TRPC4: variants seen among roughly 807,000 people sequenced by gnomAD.
TRPC4 encodes transient receptor potential cation channel subfamily C member 4.
TRPC4 carries 49 observed loss-of-function variants against 99.4 expected under a neutral mutation model. The observed-to-expected ratio is 0.49, with a 90% confidence interval of 0.39 to 0.63. The LOEUF is 0.63. Among genes scored for constraint, TRPC4 ranks in the 20% least tolerant of loss-of-function variants. The pLI is 0.00. For synonymous variants in TRPC4, 454 were observed against 425.9 expected, an observed-to-expected ratio of 1.07 and a Z score of -0.81; for missense variants, 898 against 1,152.9, an observed-to-expected ratio of 0.78 and a Z score of 3.20.
At chr13:37,835,113 G>T (rs573779273) in intron 1 of TRPC4, among the ~76,000 whole-genome samples, 1 of 151,646 alleles carries the variant, frequency 6.6e-6, no homozygotes, top group Non-Finnish European at 1.5e-5. Context: ...CAAAATAAAA[G>T]CACATTGGAA....
intron 1 of TRPC4, among the ~76,000 whole-genome samples, chr13:37,787,122 C>T (rs1566170977): frequency 6.6e-6 from 1 of 151,550 alleles, no homozygotes; most frequent in Non-Finnish European, 1.5e-5. Context: ...ATTTGAGTTC[C>T]AAGGAACACA....
chr13:37,732,190 T>G (rs1414457040), intron 3 of TRPC4, among the ~76,000 whole-genome samples: 1 of 152,086 alleles, frequency 6.6e-6, no homozygotes, highest in African/African-American at 2.4e-5. Context: ...CCTAAAACAA[T>G]TAATTATAAC....
At chr13:37,668,404 T>C (rs1566082458) in intron 5 of TRPC4, among the ~76,000 whole-genome samples, 2 of 152,166 alleles carry the variant, frequency 1.3e-5, no homozygotes, top group Admixed American at 1.3e-4. Context: ...GCTTTATATA[T>C]GATAGGAACT....
chr13:37,717,067 C>A (rs189277646), intron 3 of TRPC4, among the ~76,000 whole-genome samples: 1 of 152,064 alleles, frequency 6.6e-6, no homozygotes, highest in African/African-American at 2.4e-5. Context: ...AGAAGTGAGG[C>A]TGCCCAGAAG....
intron 1 of TRPC4, among the ~76,000 whole-genome samples, chr13:37,848,033 T>G (rs955356856): frequency 1.3e-5 from 2 of 152,172 alleles, no homozygotes; most frequent in Non-Finnish European, 1.5e-5. Flanking sequence ...CAACTTACAA[T>G]GGTTCAAGTT....
intron 3 of TRPC4, among the ~76,000 whole-genome samples, chr13:37,721,556 G>A (rs1954869537): frequency 6.6e-6 from 1 of 152,108 alleles, no homozygotes; most frequent in Non-Finnish European, 1.5e-5. Context: ...AGAATGAGGA[G>A]CCAATCAGAT....
At chr13:37,721,391 T>C (rs940267638) in intron 3 of TRPC4, among the ~76,000 whole-genome samples, 1 of 152,190 alleles carries the variant, frequency 6.6e-6, no homozygotes, top group Non-Finnish European at 1.5e-5. Flanking sequence ...GAAGTGGCAT[T>C]CAAAATATAT....
chr13:37,761,029 T>A (rs2139239056), intron 2 of TRPC4, among the ~76,000 whole-genome samples: 1 of 152,070 alleles, frequency 6.6e-6, no homozygotes, highest in East Asian at 1.9e-4. Flanking sequence ...GTAAATACAA[T>A]CCTATGATTG....
rs562027501 is a variant in TRPC4 at position 37,644,506 on chromosome 13, T to C, written c.2080-5207A>G. Among the ~76,000 whole-genome samples the C allele has an allele frequency of 1.0e-3, 153 of 152,282 alleles. 1 individual carries two copies. Among genetic ancestry groups the C allele is most frequent in the African/African-American group, 3.6e-3 (150 of 41,562 alleles). ...TAATAACTTAGGTAGAATTATAGCA[T>C]GGTAGACCTGTGTTAGGAATAAAGG... On this transcript the variant is annotated intron_variant, in intron 8 of 10. Transcript: ENST00000379705.
intron 1 of TRPC4, among the ~76,000 whole-genome samples, chr13:37,806,652 G>A (rs1372048205): frequency 6.6e-6 from 1 of 152,000 alleles, no homozygotes; most frequent in Non-Finnish European, 1.5e-5. Context: ...TCCTTATTAA[G>A]ACCTCAAGTT....
At chr13:37,640,488 G>C (rs1414114416) in intron 8 of TRPC4, among the ~76,000 whole-genome samples, 1 of 152,148 alleles carries the variant, frequency 6.6e-6, no homozygotes, top group Non-Finnish European at 1.5e-5. Context: ...ACAATGCTTA[G>C]GTTCCTAAAG....
At chr13:37,787,099 G>T (rs2139369219) in intron 1 of TRPC4, among the ~76,000 whole-genome samples, 1 of 152,044 alleles carries the variant, frequency 6.6e-6, no homozygotes, top group South Asian at 2.1e-4. Context: ...TTATATAGTG[G>T]AAAGAACAGT....
intron 2 of TRPC4, among the ~76,000 whole-genome samples, chr13:37,766,754 G>T (rs55900848): frequency 0.042 from 6,376 of 151,412 alleles, 460 homozygotes; most frequent in African/African-American, 0.15. Flanking sequence ...CCACGAACTA[G>T]CCACATGGCC....
chr13:37,694,269 C>A (rs922461383), intron 3 of TRPC4, among the ~76,000 whole-genome samples: 1 of 152,116 alleles, frequency 6.6e-6, no homozygotes, highest in African/African-American at 2.4e-5. Flanking sequence ...ATATAACAAG[C>A]AGTTGCCATC....
intron 1 of TRPC4, among the ~76,000 whole-genome samples, chr13:37,836,395 G>C (rs1441473285): frequency 6.6e-6 from 1 of 152,168 alleles, no homozygotes; most frequent in Non-Finnish European, 1.5e-5. Flanking sequence ...ATATGGGAAA[G>C]TTTGGAACTC....
chr13:37,674,023 C>T (rs930380416), intron 5 of TRPC4, among the ~76,000 whole-genome samples: 2 of 152,082 alleles, frequency 1.3e-5, no homozygotes, highest in African/African-American at 4.8e-5. Context: ...ATAACTTCTA[C>T]TTATAAAAAC....
chr13:37,869,072 C>A (rs1959975841), intron 1 of TRPC4, among the ~76,000 whole-genome samples: 1 of 152,100 alleles, frequency 6.6e-6, no homozygotes. Flanking sequence ...TGTTTCTTGA[C>A]AGAGAATGAA....
At chr13:37,679,656 T>C (rs1203107282) in intron 4 of TRPC4, among the ~76,000 whole-genome samples, 1 of 152,230 alleles carries the variant, frequency 6.6e-6, no homozygotes, top group African/African-American at 2.4e-5. Flanking sequence ...TTTTTAAAGT[T>C]GGCTGTAGAC....
At chr13:37,813,964 T>C (rs1359909094) in intron 1 of TRPC4, among the ~76,000 whole-genome samples, 1 of 151,776 alleles carries the variant, frequency 6.6e-6, no homozygotes, top group African/African-American at 2.4e-5. Context: ...AATCCAGCAG[T>C]ATTAAAAAAT....
Sources: allele counts gnomAD v4.1 joint callset (sites outside exome capture counted in the v4.1 genomes callset), GRCh38; gene constraint gnomAD v4.1.1; transcripts MANE v1.5; gene names NCBI Gene and HGNC (gene_info 2026-07-23, HGNC 2026-07-21).